The following PHYHIPL variants were observed in gnomAD, a reference collection of about 807,000 sequenced individuals.
PHYHIPL encodes the protein phytanoyl-CoA hydroxylase-interacting protein-like.
A neutral mutation model predicts 33.4 loss-of-function variants in PHYHIPL; 9 were observed. The ratio of observed to expected loss-of-function variants is 0.27; its 90% confidence interval spans 0.16 to 0.47. The LOEUF (loss-of-function observed/expected upper bound fraction) is 0.47, where lower values mean the gene tolerates loss of function less well. Ranked by LOEUF, PHYHIPL falls within the 20% of genes least tolerant of loss-of-function variation. The probability of loss-of-function intolerance (pLI) is 0.99; values close to 1 mark genes in which losing one functional copy is unlikely to be tolerated. For synonymous variants in PHYHIPL, 153 were observed against 154.1 expected (o/e 0.99, Z 0.05); for missense variants, 365 against 460.7 (o/e 0.79, Z 1.90).
At chr10:59,199,021 A>T (rs1037273400) in intron 1 of PHYHIPL, among the ~76,000 whole-genome samples, 4 of 151,998 alleles carry the variant, frequency 2.6e-5, no homozygotes, top group Non-Finnish European at 5.9e-5. Flanking sequence ...GTTCACTCTG[A>T]TGGTAGTTTC....
chr10:59,209,042 G>T (rs1839368628), intron 1 of PHYHIPL, among the ~76,000 whole-genome samples: 1 of 152,032 alleles, frequency 6.6e-6, no homozygotes, highest in African/African-American at 2.4e-5. Context: ...AATCTAGCAA[G>T]GCAGGCCAAT....
rs1838287208 is a variant in PHYHIPL, at chr10:59,177,545, G to A, written c.106+586G>A. 5 of 1,551,686 alleles carry A rather than the reference G, an allele frequency of 3.2e-6. No individual in the cohort carries two copies. In the East Asian group the frequency reaches 7.3e-5, roughly 23 times the overall value. On this transcript the variant is annotated intron_variant, in intron 1 of 4. Transcript: ENST00000373880. ...CACCAAGGACAGACACAATCTTCAT[G>A]GTTCCTGGGCTCTGAGTCAGACTGT... is the stretch of plus-strand genomic sequence containing the variant.
intron 1 of PHYHIPL, among the ~76,000 whole-genome samples, chr10:59,203,509 A>G (rs1185515740): frequency 6.6e-6 from 1 of 152,146 alleles, no homozygotes; most frequent in Non-Finnish European, 1.5e-5. Context: ...AAAGACTTGG[A>G]ACCAACCCAA....
intron 4 of PHYHIPL, 44 bp downstream of exon 4, chr10:59,238,749 T>C (rs767949749): frequency 3.9e-6 from 5 of 1,288,716 alleles, no homozygotes. Flanking sequence ...CTAAATATAG[T>C]TTCAAATTCT....
intron 1 of PHYHIPL, among the ~76,000 whole-genome samples, chr10:59,221,409 T>C (rs1328314117): frequency 2.0e-5 from 3 of 152,198 alleles, no homozygotes; most frequent in Non-Finnish European, 2.9e-5. Context: ...TTAGCCCATG[T>C]ACATATATTT....
At chr10:59,197,529 CT>C (rs1025551676) in intron 1 of PHYHIPL, among the ~76,000 whole-genome samples, 1 of 152,008 alleles carries the variant, frequency 6.6e-6, no homozygotes, top group Non-Finnish European at 1.5e-5. Context: ...TGTGAGTTTT[CT>C]TTCCAAAATT....
chr10:59,247,394 AT>A lies in PHYHIPL; in HGVS notation c.*1809del. 1 of 529,826 alleles carries A rather than the reference AT, an allele frequency of 1.9e-6. No homozygotes were observed. The highest frequency in any genetic ancestry group is 3.3e-6 in the Non-Finnish European group (1 of 304,948). The allele number at this position is 529,826 out of a possible 1,614,324, so 32.8% of individuals were successfully genotyped here. A position where few individuals can be genotyped will look rare whatever the true frequency, so the allele number is the denominator to read the frequency against. Reference sequence around the variant, plus strand: ...TTCTGCTTGGCATGGAGGACACTGAATTTTTTCCCAATTATATGGCTACCTG... The same window carrying A: ...TTCTGCTTGGCATGGAGGACACTGAATTTTTCCCAATTATATGGCTACCTG... On this transcript the variant is annotated 3_prime_UTR_variant, in exon 5 of 5. Transcript: ENST00000373880.
chr10:59,241,898 A>C (rs1391411451), intron 4 of PHYHIPL, among the ~76,000 whole-genome samples: 4 of 152,190 alleles, frequency 2.6e-5, no homozygotes, highest in African/African-American at 9.6e-5. Flanking sequence ...GAAATAAAGA[A>C]CACCAGAAAG....
At chr10:59,243,523 TTAAC>T (rs1269318320) in intron 4 of PHYHIPL, among the ~76,000 whole-genome samples, 3 of 152,156 alleles carry the variant, frequency 2.0e-5, no homozygotes, top group South Asian at 2.1e-4. Context: ...CCTCATTCTC[TTAAC>T]TGTGACAATT....
intron 1 of PHYHIPL, among the ~76,000 whole-genome samples, chr10:59,208,518 C>A (rs756248503): frequency 1.3e-5 from 2 of 152,108 alleles, no homozygotes; most frequent in Non-Finnish European, 2.9e-5. Flanking sequence ...CACCTCTTCT[C>A]CTCCAAAGGA....
intron 1 of PHYHIPL, among the ~76,000 whole-genome samples, chr10:59,199,580 C>T (rs944189239): frequency 6.6e-6 from 1 of 152,076 alleles, no homozygotes; most frequent in Non-Finnish European, 1.5e-5. Context: ...TAGTTTTTTC[C>T]AATTCTGTGA....
At chr10:59,208,395 G>A (rs761439792) in intron 1 of PHYHIPL, among the ~76,000 whole-genome samples, 1 of 152,076 alleles carries the variant, frequency 6.6e-6, no homozygotes, top group Non-Finnish European at 1.5e-5. Flanking sequence ...CAAAAAGGAC[G>A]TCCACACAGA....
chr10:59,198,553 C>T (rs1033803724), intron 1 of PHYHIPL, among the ~76,000 whole-genome samples: 7 of 152,114 alleles, frequency 4.6e-5, no homozygotes, highest in African/African-American at 1.7e-4. Context: ...GATTTATAAT[C>T]CTTTGGGTAT....
At chr10:59,228,365 A>G (rs985694538) in intron 1 of PHYHIPL, among the ~76,000 whole-genome samples, 1 of 152,148 alleles carries the variant, frequency 6.6e-6, no homozygotes, top group African/African-American at 2.4e-5. Context: ...AACAATGTTC[A>G]ATGTTACCAC....
chr10:59,208,310 G>C (rs989591467), intron 1 of PHYHIPL, among the ~76,000 whole-genome samples: 1 of 152,174 alleles, frequency 6.6e-6, no homozygotes, highest in Non-Finnish European at 1.5e-5. Flanking sequence ...CAGCAAACTC[G>C]AGCAGACCTG....
At chr10:59,197,286 A>T (rs906243601) in intron 1 of PHYHIPL, among the ~76,000 whole-genome samples, 2 of 152,188 alleles carry the variant, frequency 1.3e-5, no homozygotes, top group African/African-American at 4.8e-5. Flanking sequence ...GCCATCACCA[A>T]TCTTCTGTTC....
intron 4 of PHYHIPL, among the ~76,000 whole-genome samples, chr10:59,244,659 C>A (rs1442622432): frequency 2.7e-5 from 4 of 149,192 alleles, no homozygotes; most frequent in Non-Finnish European, 5.9e-5. Context: ...ATCTATCATG[C>A]TTTAAAGAAA....
At chr10:59,180,130 T>C (rs1838362531) in intron 1 of PHYHIPL, among the ~76,000 whole-genome samples, 1 of 151,214 alleles carries the variant, frequency 6.6e-6, no homozygotes, top group Non-Finnish European at 1.5e-5. Flanking sequence ...GAAACAATAA[T>C]ATGGGAGCCC....
chr10:59,194,409 A>G (rs996332999), intron 1 of PHYHIPL, among the ~76,000 whole-genome samples: 2 of 152,116 alleles, frequency 1.3e-5, no homozygotes, highest in African/African-American at 2.4e-5. Context: ...ACATAGAAAC[A>G]CCACCTAGTT....
Sources: gnomAD v4.1 joint callset for allele counts (sites outside exome capture counted in the v4.1 genomes callset) on GRCh38, gnomAD v4.1.1 for gene constraint, MANE v1.5 for transcripts, NCBI Gene and HGNC (gene_info 2026-07-23, HGNC 2026-07-21) for gene names.